FBRSL1: variants seen among roughly 807,000 people sequenced by gnomAD.
FBRSL1 encodes the protein fibrosin like 1.
Under a neutral mutation model 89.6 loss-of-function variants are expected in FBRSL1, and 51 were observed. The observed-to-expected ratio is 0.57, with a 90% CI of 0.45 to 0.72. The LOEUF (loss-of-function observed/expected upper bound fraction) is 0.72. Ranked by LOEUF, FBRSL1 falls within the 30% of genes least tolerant of loss-of-function variation. The pLI is 0.00. For synonymous variants in FBRSL1, 779 were observed against 681.1 expected, an observed-to-expected ratio of 1.14 and a Z score of -2.24; for missense variants, 1,618 against 1,451.8, an observed-to-expected ratio of 1.11 and a Z score of -1.86.
intron 14 of FBRSL1, among the ~76,000 whole-genome samples, chr12:132,575,165 C>G (rs975705480): frequency 1.3e-5 from 2 of 152,210 alleles, no homozygotes; most frequent in African/African-American, 4.8e-5. Flanking sequence ...CACCTCCGCA[C>G]ACAACTCTGA....
rs536844988 is a variant in FBRSL1, at chr12:132,564,730, C to T, written c.646-2751C>T. On this transcript the variant is annotated intron_variant, in intron 5 of 18. Transcript: ENST00000680143. Reference sequence around the variant, plus strand: ...CAGGATGGTCTCGATCTCCTGACCTCGTGATCCGCCCTCCTCGGCCTCCCG... The same window carrying T: ...CAGGATGGTCTCGATCTCCTGACCTTGTGATCCGCCCTCCTCGGCCTCCCG... Among the ~76,000 whole-genome samples the T allele has an allele frequency of 2.5e-5, 2 of 80,702 alleles. 1 individual carries two copies. The highest frequency in any genetic ancestry group is 2.1e-3 in the East Asian group (2 of 934). The allele number at this position is 80,702 out of a possible 152,430, so 52.9% of individuals were successfully genotyped here.
intron 4 of FBRSL1, among the ~76,000 whole-genome samples, chr12:132,534,470 G>A (rs1434033238): frequency 3.9e-5 from 6 of 152,250 alleles, no homozygotes; most frequent in African/African-American, 7.2e-5. Context: ...CTGCCAGGGC[G>A]GGGTCCAGAT....
Position 132,583,271 on chromosome 12 carries a change from G to T in FBRSL1, c.2502G>T (p.Ala834=). ...SEPPAGGLHP[A]PLQLGLGRER... Reference sequence around the variant, plus strand: ...CCCCGGCGGGCGGCCTGCACCCCGCGCCCCTGCAGCTCGGCCTGGGCCGCG... The same window carrying T: ...CCCCGGCGGGCGGCCTGCACCCCGCTCCCCTGCAGCTCGGCCTGGGCCGCG... Residue 834 remains alanine, a synonymous_variant, in exon 19 of 19, where the codon GCG becomes GCT. Transcript: ENST00000680143. The T allele has an allele frequency of 9.3e-6, 12 of 1,291,102 alleles. No individual in the cohort carries two copies. The highest frequency in any genetic ancestry group is 1.2e-5 in the Non-Finnish European group (12 of 1,019,068). 80.0% of individuals were successfully genotyped at this position (1,291,102 alleles called of 1,614,324 possible). A position where few individuals can be genotyped will look rare whatever the true frequency, so the allele number is the denominator to read the frequency against.
intron 1 of FBRSL1, among the ~76,000 whole-genome samples, chr12:132,496,477 C>T (rs534529935): frequency 6.6e-6 from 1 of 152,192 alleles, no homozygotes; most frequent in Non-Finnish European, 1.5e-5. Flanking sequence ...ACTGTGTTTT[C>T]TGGCTGGTTG....
At chr12:132,579,024 C>A (rs1030613565) in intron 15 of FBRSL1, among the ~76,000 whole-genome samples, 1 of 152,212 alleles carries the variant, frequency 6.6e-6, no homozygotes, top group Non-Finnish European at 1.5e-5. Context: ...CCACACTGCC[C>A]GCCCCACCGA....
intron 2 of FBRSL1, chr12:132,510,060 C>T: frequency 1.6e-6 from 2 of 1,231,332 alleles, no homozygotes; most frequent in East Asian, 3.2e-5. Flanking sequence ...GCCTTCACTC[C>T]TGGGCCCGGG....
At chr12:132,523,533 C>G (rs1007318497) in intron 2 of FBRSL1, among the ~76,000 whole-genome samples, 2 of 152,026 alleles carry the variant, frequency 1.3e-5, no homozygotes, top group Non-Finnish European at 2.9e-5. Context: ...AGAGAGGTGC[C>G]CTACTCCTCA....
At chr12:132,548,121 G>A (rs1370521395) in intron 5 of FBRSL1, 89 bp downstream of exon 5, 1 of 1,478,296 alleles carries the variant, frequency 6.8e-7, no homozygotes, top group African/African-American at 1.4e-5. Flanking sequence ...CTGGAGACCA[G>A]GCAGAAGATC....
chr12:132,498,674 G>A (rs528852147), intron 1 of FBRSL1, among the ~76,000 whole-genome samples: 1 of 152,180 alleles, frequency 6.6e-6, no homozygotes, highest in Non-Finnish European at 1.5e-5. Flanking sequence ...ACTGCACAGG[G>A]CCCCCCATCC....
At chr12:132,582,041 C>A (rs1484379601) in intron 17 of FBRSL1, 21 bp from the exon 18 acceptor site, 9 of 1,531,748 alleles carry the variant, frequency 5.9e-6, no homozygotes, top group Non-Finnish European at 7.0e-6. Context: ...CAACCTCATG[C>A]TCCCCGGCCT....
chr12:132,583,903 G>A lies in FBRSL1; in HGVS notation c.*125G>A. ...CGCCGCCTCTCCACCCGCAGCCTGCGGAGGCGGGGACTTGGGTGTCGGCTT... is the reference window on the plus strand; with the variant it reads ...CGCCGCCTCTCCACCCGCAGCCTGCAGAGGCGGGGACTTGGGTGTCGGCTT... On this transcript the variant is annotated 3_prime_UTR_variant, in exon 19 of 19. Transcript: ENST00000680143. The A allele has an allele frequency of 2.5e-6, 1 of 406,302 alleles. No individual in the cohort carries two copies. Among genetic ancestry groups the A allele is most frequent in the Non-Finnish European group, 3.8e-6 (1 of 265,652 alleles). 25.2% of individuals were successfully genotyped at this position (406,302 alleles called of 1,614,324 possible).
At chr12:132,515,882 A>T (rs2034792062) in intron 2 of FBRSL1, among the ~76,000 whole-genome samples, 1 of 143,928 alleles carries the variant, frequency 6.9e-6, no homozygotes. Flanking sequence ...CCTGGGCAAC[A>T]GAGTGAGACT....
At chr12:132,533,750 C>T (rs532675260) in intron 4 of FBRSL1, among the ~76,000 whole-genome samples, 1 of 152,380 alleles carries the variant, frequency 6.6e-6, no homozygotes, top group East Asian at 1.9e-4. Flanking sequence ...CTGGGCTGGG[C>T]TCCATGCCAG....
intron 5 of FBRSL1, among the ~76,000 whole-genome samples, chr12:132,560,418 G>C (rs1046009344): frequency 6.6e-6 from 1 of 151,978 alleles, no homozygotes; most frequent in African/African-American, 2.4e-5. Context: ...GGCGGGCGGG[G>C]GTGCGGCGCG....
chr12:132,554,488 G>A (rs1414760853), intron 5 of FBRSL1: 1 of 152,234 alleles, frequency 6.6e-6, no homozygotes, highest in African/African-American at 2.4e-5. Context: ...TAACTTAATT[G>A]ATGTTAAATA....
rs866806620 is a variant in FBRSL1, at chr12:132,502,817, G to A, written c.292-5336G>A. 1.9e-4 allele frequency among the ~76,000 whole-genome samples: 11 copies of A among 58,244 alleles called. No homozygotes were observed. The East Asian group carries it at 5.5e-3, about 29-fold the overall frequency. 38.2% of individuals were successfully genotyped at this position (58,244 alleles called of 152,430 possible). On this transcript the variant is annotated intron_variant, in intron 1 of 18. Coordinates refer to ENST00000680143, the MANE Select transcript of FBRSL1 (RefSeq NM_001367871.1). ...CCTGTCCCCGCCCCCTCCTGTCCCC[G>A]CCCCCTCCTGTCCTCACCCTCTCCT...
At chr12:132,507,290 G>A (rs189592041) in intron 1 of FBRSL1, 55 of 985,560 alleles carry the variant, frequency 5.6e-5, no homozygotes, top group Middle Eastern at 5.2e-4. Flanking sequence ...TTTCGTGGAC[G>A]CTTCTCCCTG....
At chr12:132,547,918 C>G in intron 4 of FBRSL1, 85 bp from the exon 5 acceptor site, 3 of 1,462,750 alleles carry the variant, frequency 2.1e-6, no homozygotes, top group Non-Finnish European at 2.8e-6. Context: ...CCACCCGTGC[C>G]CCTGCAGCCT....
At chr12:132,542,939 G>A (rs530296159) in intron 4 of FBRSL1, among the ~76,000 whole-genome samples, 4 of 152,236 alleles carry the variant, frequency 2.6e-5, no homozygotes, top group Non-Finnish European at 5.9e-5. Flanking sequence ...CATGTGTGGG[G>A]CTGACAGGCA....
Sources: gnomAD v4.1 joint callset for allele counts (sites outside exome capture counted in the v4.1 genomes callset) on GRCh38, gnomAD v4.1.1 for gene constraint, MANE v1.5 for transcripts, NCBI Gene and HGNC (gene_info 2026-07-23, HGNC 2026-07-21) for gene names.